SPATC1L: variants seen among roughly 807,000 people sequenced by gnomAD.
The protein encoded by SPATC1L is speriolin-like protein.
SPATC1L carries 20 observed loss-of-function variants against 21.2 expected under a neutral mutation model. That is an observed-to-expected ratio of 0.94 (90% CI 0.66 to 1.37). The LOEUF is 1.37. Among genes scored for constraint, SPATC1L ranks in the 40% most tolerant of loss-of-function variants. The probability of loss-of-function intolerance (pLI) is 0.00; values close to 1 mark genes in which losing one functional copy is unlikely to be tolerated. For synonymous variants in SPATC1L, 290 were observed against 234.5 expected, an observed-to-expected ratio of 1.24 and a Z score of -2.16; for missense variants, 499 against 478.7, an observed-to-expected ratio of 1.04 and a Z score of -0.40.
In SPATC1L at chr21:46,183,042, G is replaced by A. The variant is rs1037301809; in HGVS notation, c.-226C>T. 25 of 512,880 alleles carry A rather than the reference G, an allele frequency of 4.9e-5. No homozygotes were observed. Among genetic ancestry groups the A allele is most frequent in the East Asian group, 1.0e-4 (3 of 29,850 alleles). 31.8% of individuals were successfully genotyped at this position (512,880 alleles called of 1,614,324 possible). ...GGCAGTGAAGCTGGAGGCCCGTGGCGTGCACAGGCAGCCACTCCCACATTA... is the reference window on the plus strand; with the variant it reads ...GGCAGTGAAGCTGGAGGCCCGTGGCATGCACAGGCAGCCACTCCCACATTA... On this transcript the variant is annotated 5_prime_UTR_variant, in exon 2 of 5. It adds an upstream start codon to the 5' untranslated region. Transcript: ENST00000291672.
chr21:46,170,826 G>T (rs1056514349), intron 2 of SPATC1L, among the ~76,000 whole-genome samples: 1 of 137,848 alleles, frequency 7.3e-6, no homozygotes, highest in Non-Finnish European at 1.5e-5. Flanking sequence ...CTGTGGATGG[G>T]GAGGAGCCTC....
At chr21:46,174,821 T>C (rs114879200) in intron 2 of SPATC1L, among the ~76,000 whole-genome samples, 5,001 of 152,328 alleles carry the variant, frequency 0.033, 239 homozygotes, top group African/African-American at 0.11. Flanking sequence ...CTGACAGATA[T>C]CTACAGAACT....
In SPATC1L at chr21:46,161,539, C is replaced by G. The variant is rs771485808; in HGVS notation, c.863G>C (p.Arg288Pro). ...CAGGGGGTTGGCGCGCAGGTCGGGC[C>G]GCTGCTTCAGGATTCCGTAGGTGTT... The part of the protein sequence containing the change: ...LINTYGILKQ[R>P]PDLRANPLHS... The change falls in exon 5 of 5, where the codon CGG becomes CCG. Residue 288 changes from arginine to proline, a missense_variant. Arg to Pro is a moderately radical substitution (Grantham distance 103, BLOSUM62 -2). Transcript: ENST00000291672. 3 of 1,610,478 alleles carry G rather than the reference C, an allele frequency of 1.9e-6. No individual in the cohort carries two copies. Among genetic ancestry groups the G allele is most frequent in the Non-Finnish European group, 2.5e-6 (3 of 1,179,002 alleles).
intron 2 of SPATC1L, among the ~76,000 whole-genome samples, chr21:46,181,539 C>G (rs1010562789): frequency 6.6e-6 from 1 of 152,244 alleles, no homozygotes; most frequent in Non-Finnish European, 1.5e-5. Context: ...CGGAGAGTGC[C>G]TCCTGCACAC....
chr21:46,176,932 C>T (rs750962475), intron 2 of SPATC1L, among the ~76,000 whole-genome samples: 24 of 151,960 alleles, frequency 1.6e-4, no homozygotes, highest in Non-Finnish European at 2.5e-4. Context: ...ATCAATAGAA[C>T]GGAACAGAGA....
rs73908570 is a variant in SPATC1L at position 46,182,132 on chromosome 21, G to T, written c.193+492C>A. ...CCGGTGGCTCTGAGGCCTCCCCAGGGTGGGACCTTCCCACCATGGGGCTGG... is the reference window on the plus strand; with the variant it reads ...CCGGTGGCTCTGAGGCCTCCCCAGGTTGGGACCTTCCCACCATGGGGCTGG... On this transcript the variant is annotated intron_variant, in intron 2 of 4. Coordinates refer to ENST00000291672, the MANE Select transcript of SPATC1L (RefSeq NM_001142854.2). Among the ~76,000 whole-genome samples, 484 of 152,298 alleles carry T rather than the reference G, an allele frequency of 3.2e-3. 4 individuals carry two copies. The highest frequency in any genetic ancestry group is 0.011 in the African/African-American group (466 of 41,576).
In SPATC1L at chr21:46,182,617, G is replaced by A. The variant is rs768906011; in HGVS notation, c.193+7C>T. On this transcript the variant is annotated splice_region_variant and intron_variant, in intron 2 of 4. Transcript: ENST00000291672. ...TACCAGGCCATCTGAGCTGGGCGGC[G>A]CCTCACCTCCGCTCCCGGGGGAGCC... The A allele has an allele frequency of 1.4e-5, 20 of 1,480,020 alleles. No individual in the cohort carries two copies. The highest frequency in any genetic ancestry group is 1.1e-4 in the African/African-American group (8 of 70,734). The allele number at this position is 1,480,020 out of a possible 1,614,324, so 91.7% of individuals were successfully genotyped here.
intron 2 of SPATC1L, among the ~76,000 whole-genome samples, chr21:46,182,325 C>G (rs939019622): frequency 6.6e-6 from 1 of 152,212 alleles, no homozygotes; most frequent in South Asian, 2.1e-4. Flanking sequence ...TGGAGGCCCA[C>G]AAGCCTGCGC....
chr21:46,171,713 T>C (rs1201014970), intron 2 of SPATC1L, among the ~76,000 whole-genome samples: 1 of 152,058 alleles, frequency 6.6e-6, no homozygotes, highest in Non-Finnish European at 1.5e-5. Flanking sequence ...AAAACCTAAA[T>C]GAACCAATAC....
chr21:46,182,624 C>T lies in SPATC1L; in HGVS notation c.193G>A (p.Val65Ile), dbSNP rs1052037931. The change falls in exon 2 of 5, where the codon GTT (valine) becomes ATT (isoleucine). Residue 65 changes from valine (V) to isoleucine (I), a missense_variant and splice_region_variant. Transcript: ENST00000291672. ...YPEAGSPGSG[V>I]PDFGRFTSVA... is the part of the protein sequence containing the mutation. ...CCATCTGAGCTGGGCGGCGCCTCAC[C>T]TCCGCTCCCGGGGGAGCCGGCCTCA... The T allele has an allele frequency of 6.7e-7, 1 of 1,499,982 alleles. No individual in the cohort carries two copies. The highest frequency in any genetic ancestry group is 8.9e-7 in the Non-Finnish European group (1 of 1,124,674). 92.9% of individuals were successfully genotyped at this position (1,499,982 alleles called of 1,614,324 possible). A position where few individuals can be genotyped will look rare whatever the true frequency, so the allele number is the denominator to read the frequency against.
chr21:46,172,097 GCA>G (rs2079595693), intron 2 of SPATC1L, among the ~76,000 whole-genome samples: 1 of 64,138 alleles, frequency 1.6e-5, no homozygotes, highest in African/African-American at 3.9e-5. Flanking sequence ...AGAGCATGAG[GCA>G]GGAGTGCAGA....
intron 2 of SPATC1L, among the ~76,000 whole-genome samples, chr21:46,174,174 G>C (rs8129994): frequency 0.27 from 41,371 of 151,482 alleles, 6,919 homozygotes; most frequent in African/African-American, 0.46. Context: ...CTAAAAAATA[G>C]AAAAATTAGC....
chr21:46,179,134 C>A (rs2079653674), intron 2 of SPATC1L, among the ~76,000 whole-genome samples: 1 of 151,422 alleles, frequency 6.6e-6, no homozygotes, highest in Non-Finnish European at 1.5e-5. Context: ...GTAGTCCAAG[C>A]TACTCAGGAG....
intron 2 of SPATC1L, among the ~76,000 whole-genome samples, chr21:46,173,055 C>T (rs1024206350): frequency 1.1e-4 from 17 of 152,326 alleles, no homozygotes; most frequent in African/African-American, 3.8e-4. Flanking sequence ...CCAGCTGAAG[C>T]AGAACCCAGA....
At chr21:46,179,694 G>A (rs1467773699) in intron 2 of SPATC1L, among the ~76,000 whole-genome samples, 6 of 152,190 alleles carry the variant, frequency 3.9e-5, no homozygotes, top group African/African-American at 1.4e-4. Flanking sequence ...ACTAGGGAGC[G>A]AGTGGGCAAT....
intron 3 of SPATC1L, among the ~76,000 whole-genome samples, chr21:46,166,010 C>G (rs1179013151): frequency 2.6e-5 from 4 of 152,142 alleles, no homozygotes; most frequent in African/African-American, 9.6e-5. Flanking sequence ...GGAGGGAAGA[C>G]CACAAAACAA....
At position 46,182,694 on chromosome 21, in the gene SPATC1L, C is replaced by G; in HGVS notation, c.123G>C (p.Glu41Asp). ...LRRLLSQSCQEGGGHDLLPPR... is the reference protein window; with the variant it reads ...LRRLLSQSCQDGGGHDLLPPR... ...GTGGGAGCAGGTCGTGGCCGCCGCCCTCCTGGCAGCTCTGGCTGAGCAGCC... is the reference window on the plus strand; with the variant it reads ...GTGGGAGCAGGTCGTGGCCGCCGCCGTCCTGGCAGCTCTGGCTGAGCAGCC... Residue 41 changes from glutamate to aspartate, a missense_variant, in exon 2 of 5, where the codon GAG becomes GAC. Physicochemically the swap from Glu to Asp is conservative, Grantham distance 45 (BLOSUM62 2). Coordinates refer to ENST00000291672, the MANE Select transcript of SPATC1L (RefSeq NM_001142854.2). The G allele has an allele frequency of 6.5e-7, 1 of 1,544,502 alleles. No individual in the cohort carries two copies. Among genetic ancestry groups the G allele is most frequent in the Non-Finnish European group, 8.7e-7 (1 of 1,146,540 alleles).
intron 2 of SPATC1L, among the ~76,000 whole-genome samples, chr21:46,176,737 A>C (rs1017800364): frequency 1.3e-5 from 2 of 152,230 alleles, no homozygotes; most frequent in Non-Finnish European, 2.9e-5. Flanking sequence ...TGCTGTTCTT[A>C]TTAAAATACC....
intron 3 of SPATC1L, among the ~76,000 whole-genome samples, chr21:46,164,104 C>T (rs1425069497): frequency 6.6e-6 from 1 of 152,108 alleles, no homozygotes; most frequent in African/African-American, 2.4e-5. Flanking sequence ...ACCTTCTGGG[C>T]TTGAGTGATC....
Sources: allele counts gnomAD v4.1 joint callset (sites outside exome capture counted in the v4.1 genomes callset), GRCh38; gene constraint gnomAD v4.1.1; transcripts MANE v1.5; gene names NCBI Gene and HGNC (gene_info 2026-07-23, HGNC 2026-07-21).